The following OPCML variants were observed in gnomAD, a reference collection of about 807,000 sequenced individuals.
OPCML encodes opioid-binding protein/cell adhesion molecule.
OPCML carries 13 observed loss-of-function variants against 37.8 expected under a neutral mutation model. That is an observed-to-expected ratio of 0.34 (90% CI 0.22 to 0.55). The LOEUF is 0.55. Ranked by LOEUF, OPCML falls within the 20% of genes least tolerant of loss-of-function variation. The pLI is 0.91. For synonymous variants in OPCML, 176 were observed against 168.8 expected (o/e 1.04, Z -0.33); for missense variants, 341 against 435.6 (o/e 0.78, Z 1.93).
At chr11:133,256,565 C>G (rs1319430938) in intron 1 of OPCML, among the ~76,000 whole-genome samples, 2 of 152,148 alleles carry the variant, frequency 1.3e-5, no homozygotes, top group African/African-American at 4.8e-5. Flanking sequence ...ATACACACTT[C>G]TAGAAGTATG....
intron 3 of OPCML, among the ~76,000 whole-genome samples, chr11:132,623,981 G>A (rs11223154): frequency 0.33 from 50,602 of 151,968 alleles, 9,441 homozygotes; most frequent in Non-Finnish European, 0.41. Flanking sequence ...AACATATGTT[G>A]GTGCTCCCAC....
At chr11:132,866,248 GA>G (rs1383514065) in intron 2 of OPCML, among the ~76,000 whole-genome samples, 1 of 152,132 alleles carries the variant, frequency 6.6e-6, no homozygotes, top group South Asian at 2.1e-4. Flanking sequence ...AACTGAGGCA[GA>G]AAAAAAGTCA....
chr11:132,526,470 G>A (rs2137277054), intron 4 of OPCML, among the ~76,000 whole-genome samples: 1 of 152,120 alleles, frequency 6.6e-6, no homozygotes, highest in South Asian at 2.1e-4. Context: ...TTTACTTTAT[G>A]ATATAGAGAC....
chr11:133,024,195 C>T (rs1471850718), intron 1 of OPCML, among the ~76,000 whole-genome samples: 4 of 152,074 alleles, frequency 2.6e-5, no homozygotes, highest in East Asian at 1.9e-4. Flanking sequence ...CTGGAGACAG[C>T]GAGTAGGAAG....
At chr11:133,112,887 C>T (rs545378360) in intron 1 of OPCML, among the ~76,000 whole-genome samples, 79 of 152,224 alleles carry the variant, frequency 5.2e-4, no homozygotes, top group Non-Finnish European at 9.3e-4. Context: ...TGGAGGCTTT[C>T]GCTGTGTCAG....
At chr11:133,095,974 G>T (rs552030520) in intron 1 of OPCML, among the ~76,000 whole-genome samples, 1 of 151,934 alleles carries the variant, frequency 6.6e-6, no homozygotes, top group East Asian at 1.9e-4. Context: ...AAGTTATTTA[G>T]AAATAAACTA....
Position 132,943,235 on chromosome 11 carries a change from G to T in OPCML, c.62-225C>A. 8.0e-7 allele frequency: 1 copy of T among 1,244,570 alleles called. No homozygotes were observed. The highest frequency in any genetic ancestry group is 1.1e-6 in the Non-Finnish European group (1 of 900,026). The allele number at this position is 1,244,570 out of a possible 1,614,324, so 77.1% of individuals were successfully genotyped here. ...GAGCAGGGGGAAGGAGAAGAGAGGA[G>T]TCCGGGCTCTCCGGAGTCTGAGAAT... On this transcript the variant is annotated intron_variant, in intron 1 of 7. Coordinates refer to ENST00000524381, the MANE Select transcript of OPCML (RefSeq NM_001012393.5). The surrounding 1 kb of genome is among the most constrained non-coding windows in gnomAD (Gnocchi z 4.3).
intron 1 of OPCML, among the ~76,000 whole-genome samples, chr11:133,217,171 A>G (rs1565510297): frequency 6.6e-6 from 1 of 151,244 alleles, no homozygotes; most frequent in Admixed American, 6.6e-5. Context: ...CTCACACTAG[A>G]CCCCCCATCT....
intron 4 of OPCML, among the ~76,000 whole-genome samples, chr11:132,457,422 T>G (rs2096086315): frequency 6.6e-6 from 1 of 152,228 alleles, no homozygotes; most frequent in African/African-American, 2.4e-5. Flanking sequence ...GAATTCATGA[T>G]AAAGAGATTC....
chr11:133,397,271 G>A (rs1945307879), intron 1 of OPCML, among the ~76,000 whole-genome samples: 1 of 152,044 alleles, frequency 6.6e-6, no homozygotes. Flanking sequence ...CAATACCTAG[G>A]GATATAGAGT....
chr11:133,089,504 T>C (rs1338249129), intron 1 of OPCML, among the ~76,000 whole-genome samples: 2 of 152,198 alleles, frequency 1.3e-5, no homozygotes, highest in Non-Finnish European at 2.9e-5. Context: ...GCTGAGCATC[T>C]ACCAGGCAAT....
intron 2 of OPCML, among the ~76,000 whole-genome samples, chr11:132,790,347 A>G (rs897894986): frequency 6.6e-6 from 1 of 152,262 alleles, no homozygotes; most frequent in African/African-American, 2.4e-5. Context: ...ATTTCAAAAC[A>G]GGTGGAAGAA....
intron 3 of OPCML, among the ~76,000 whole-genome samples, chr11:132,578,757 G>A (rs2096456204): frequency 6.6e-6 from 1 of 152,174 alleles, no homozygotes; most frequent in African/African-American, 2.4e-5. Flanking sequence ...ACATGCTGCT[G>A]TACAATATTC....
At chr11:133,475,234 TG>T (rs1277000630) in intron 1 of OPCML, among the ~76,000 whole-genome samples, 24 of 151,688 alleles carry the variant, frequency 1.6e-4, no homozygotes, top group African/African-American at 5.4e-4. Flanking sequence ...GTTTTTTTGT[TG>T]TTGTTGTTGT....
chr11:132,832,442 T>C (rs1940750560), intron 2 of OPCML, among the ~76,000 whole-genome samples: 1 of 152,220 alleles, frequency 6.6e-6, no homozygotes, highest in Non-Finnish European at 1.5e-5. Context: ...ATCCTTCATT[T>C]ACGGACAATT....
rs2095934939 is a variant in OPCML, at chr11:132,415,330, A to T, written c.*4863T>A. 3 of 152,128 alleles carry T rather than the reference A, an allele frequency of 2.0e-5. No homozygotes were observed. The highest frequency in any genetic ancestry group is 2.9e-5 in the Non-Finnish European group (2 of 67,920). The allele number at this position is 152,128 out of a possible 1,614,324, so 9.4% of individuals were successfully genotyped here. A position where few individuals can be genotyped will look rare whatever the true frequency, so the allele number is the denominator to read the frequency against. ...ATAACGGCACCATTGATAAGTCATA[A>T]TTTTTTTTTAAATCTAAAGGACTCT... On this transcript the variant is annotated 3_prime_UTR_variant, in exon 8 of 8. Transcript: ENST00000524381.
intron 7 of OPCML, among the ~76,000 whole-genome samples, chr11:132,428,725 T>C (rs2095986196): frequency 6.6e-6 from 1 of 152,196 alleles, no homozygotes; most frequent in Non-Finnish European, 1.5e-5. Flanking sequence ...GAATCCCTCC[T>C]ACCTGGGGGA....
chr11:132,649,725 C>A (rs920863890), intron 3 of OPCML, among the ~76,000 whole-genome samples: 14 of 151,864 alleles, frequency 9.2e-5, no homozygotes, highest in Non-Finnish European at 1.9e-4. Context: ...ATGTGTATAT[C>A]CAAGCATATA....
At chr11:133,322,105 A>T (rs1357504595) in intron 1 of OPCML, among the ~76,000 whole-genome samples, 1 of 152,214 alleles carries the variant, frequency 6.6e-6, no homozygotes, top group Non-Finnish European at 1.5e-5. Flanking sequence ...AAATACAGAT[A>T]CAAGATTTCA....
Sources: gnomAD v4.1 joint callset for allele counts (sites outside exome capture counted in the v4.1 genomes callset) on GRCh38, gnomAD v4.1.1 for gene constraint, Gnocchi (gnomAD v3.1) non-coding constraint, MANE v1.5 for transcripts, NCBI Gene and HGNC (gene_info 2026-07-23, HGNC 2026-07-21) for gene names.